The following XKR9 variants were observed in gnomAD, a reference collection of about 807,000 sequenced individuals.
XKR9 encodes XK-related protein 9.
A neutral mutation model predicts 32.0 loss-of-function variants in XKR9; 32 were observed. The ratio of observed to expected loss-of-function variants is 1.00; its 90% CI spans 0.76 to 1.34. The LOEUF (loss-of-function observed/expected upper bound fraction) is 1.34. XKR9 is among the 40% of genes most tolerant of loss of function. The probability of loss-of-function intolerance (pLI) is 0.00; values close to 1 mark genes in which losing one functional copy is unlikely to be tolerated. For synonymous variants in XKR9, 168 were observed against 143.4 expected (o/e 1.17, Z -1.22); for missense variants, 546 against 429.7 (o/e 1.27, Z -2.39).
the XKR9 span, among the ~76,000 whole-genome samples, chr8:70,836,812 T>C: frequency 6.6e-6 from 1 of 152,116 alleles, no homozygotes; most frequent in African/African-American, 2.4e-5. Context: ...TCAGGCACTA[T>C]GCTGGGCACT....
At chr8:70,755,201 A>T (rs534293039) in intron 2 of XKR9, among the ~76,000 whole-genome samples, 1 of 152,270 alleles carries the variant, frequency 6.6e-6, no homozygotes, top group Non-Finnish European at 1.5e-5. Context: ...AATCAAAGCC[A>T]CAATGAGATA....
At chr8:70,954,182 G>T in the XKR9 span, among the ~76,000 whole-genome samples, 1 of 152,070 alleles carries the variant, frequency 6.6e-6, no homozygotes, top group Non-Finnish European at 1.5e-5. Flanking sequence ...GAGCAGGGCA[G>T]GCTGCCTGAC....
intron 4 of XKR9, among the ~76,000 whole-genome samples, chr8:70,725,299 G>A (rs1015123657): frequency 1.3e-5 from 2 of 152,168 alleles, no homozygotes; most frequent in African/African-American, 4.8e-5. Context: ...AAATTGTGAT[G>A]TTGCTCTTTT....
At chr8:70,730,017 C>T (rs1383093112) in intron 4 of XKR9, among the ~76,000 whole-genome samples, 1 of 152,044 alleles carries the variant, frequency 6.6e-6, no homozygotes. Flanking sequence ...AATAGGATCA[C>T]AGTTTATTTA....
the XKR9 span, among the ~76,000 whole-genome samples, chr8:70,814,393 G>A: frequency 6.6e-6 from 1 of 151,716 alleles, no homozygotes; most frequent in Non-Finnish European, 1.5e-5. Flanking sequence ...GTATACATAT[G>A]TAACAAACCT....
chr8:70,686,240 CTTTTT>C (rs35422609), intron 3 of XKR9, among the ~76,000 whole-genome samples: 1 of 123,112 alleles, frequency 8.1e-6, no homozygotes. Flanking sequence ...TCACTCCATT[CTTTTT>C]TTTTTTTTTT....
At chr8:70,738,601 G>T (rs905654352), downstream of XKR9, among the ~76,000 whole-genome samples, 3 of 151,602 alleles carry the variant, frequency 2.0e-5, no homozygotes, top group African/African-American at 7.3e-5. Flanking sequence ...TCTCTTGTGG[G>T]CATTTAGTGC....
chr8:70,725,562 A>G (rs535682215), intron 4 of XKR9, among the ~76,000 whole-genome samples: 2 of 152,144 alleles, frequency 1.3e-5, no homozygotes, highest in African/African-American at 4.8e-5. Flanking sequence ...TTTCTTATAT[A>G]CTCTGTAGAA....
At chr8:70,813,957 G>A in the XKR9 span, among the ~76,000 whole-genome samples, 2 of 152,124 alleles carry the variant, frequency 1.3e-5, no homozygotes, top group Admixed American at 6.5e-5. Flanking sequence ...ATACCCAAAG[G>A]ATTATAAATC....
chr8:70,719,910 CTGAATCTT>C (rs1159789557), intron 4 of XKR9, among the ~76,000 whole-genome samples: 1 of 152,096 alleles, frequency 6.6e-6, no homozygotes, highest in Non-Finnish European at 1.5e-5. Flanking sequence ...TTTCACGATA[CTGAATCTT>C]CCTATCCATG....
chr8:70,856,084 A>C, the XKR9 span, among the ~76,000 whole-genome samples: 4 of 152,308 alleles, frequency 2.6e-5, no homozygotes, highest in South Asian at 8.3e-4. Context: ...GAGCAAAATA[A>C]CCAGCTAACA....
chr8:70,935,160 T>C, the XKR9 span, among the ~76,000 whole-genome samples: 5 of 141,604 alleles, frequency 3.5e-5, no homozygotes, highest in East Asian at 2.0e-4. Context: ...TACATATATA[T>C]ACATATATAC....
At chr8:70,961,931 A>C in the XKR9 span, among the ~76,000 whole-genome samples, 1 of 152,232 alleles carries the variant, frequency 6.6e-6, no homozygotes, top group Non-Finnish European at 1.5e-5. Context: ...TAAAATAAAC[A>C]AATTGGATTC....
At chr8:70,710,052 T>C (rs959671319) in intron 4 of XKR9, among the ~76,000 whole-genome samples, 1 of 152,174 alleles carries the variant, frequency 6.6e-6, no homozygotes, top group Non-Finnish European at 1.5e-5. Flanking sequence ...ACTACATGGC[T>C]ACAGTAACCA....
At chr8:70,695,169 A>T (rs191768949) in intron 3 of XKR9, among the ~76,000 whole-genome samples, 3,194 of 144,802 alleles carry the variant, frequency 0.022, 129 homozygotes, top group African/African-American at 0.077. Flanking sequence ...TTTTAAAAAA[A>T]TTTTTTTTTA....
At chr8:70,957,480 G>A in the XKR9 span, among the ~76,000 whole-genome samples, 11 of 151,920 alleles carry the variant, frequency 7.2e-5, no homozygotes, top group Non-Finnish European at 1.5e-4. Flanking sequence ...TTATCACATC[G>A]CCTAGGTATT....
the XKR9 span, among the ~76,000 whole-genome samples, chr8:70,933,680 A>G: frequency 6.6e-6 from 1 of 152,052 alleles, no homozygotes; most frequent in Non-Finnish European, 1.5e-5. Flanking sequence ...GAAGATTCCT[A>G]TGCCTAATCC....
chr8:70,801,716 T>G, the XKR9 span, among the ~76,000 whole-genome samples: 1 of 152,098 alleles, frequency 6.6e-6, no homozygotes, highest in Non-Finnish European at 1.5e-5. Flanking sequence ...TCAAATATCT[T>G]TGTTAGTTTT....
At chr8:70,706,845 T>A in intron 3 of XKR9, 88 bp from the exon 4 acceptor site, 1 of 1,106,484 alleles carries the variant, frequency 9.0e-7, no homozygotes, top group South Asian at 1.7e-5. Context: ...TTAAAACACA[T>A]ATTCCTTTTT....
Sources: gnomAD v4.1 joint callset for allele counts (sites outside exome capture counted in the v4.1 genomes callset) on GRCh38, gnomAD v4.1.1 for gene constraint, MANE v1.5 for transcripts, NCBI Gene and HGNC (gene_info 2026-07-23, HGNC 2026-07-21) for gene names.